The following PLCB1 variants were observed in gnomAD, a reference collection of about 807,000 sequenced individuals.
PLCB1 encodes the protein phospholipase C beta 1.
In PLCB1, 46 loss-of-function variants were observed where a neutral mutation model predicts 161.8. The observed-to-expected ratio is 0.28, with a 90% CI of 0.22 to 0.36. PLCB1 has a LOEUF of 0.36. Ranked by LOEUF, PLCB1 falls within the 10% of genes least tolerant of loss-of-function variation. PLCB1 has a pLI of 1.00. For missense variants in PLCB1, 1,016 were observed against 1,472.5 expected, an observed-to-expected ratio of 0.69 and a Z score of 5.07; for synonymous variants, 517 against 503.7, an observed-to-expected ratio of 1.03 and a Z score of -0.35.
intron 31 of PLCB1, among the ~76,000 whole-genome samples, chr20:8,818,291 A>AT (rs1985171890): frequency 6.6e-6 from 1 of 152,138 alleles, no homozygotes; most frequent in Non-Finnish European, 1.5e-5. Context: ...TAATAAAGAG[A>AT]TTTTTAGCAC....
In PLCB1 at chr20:8,413,176, T is replaced by C. The variant is rs111534960; in HGVS notation, c.246+41726T>C. Among the ~76,000 whole-genome samples, 228 of 152,328 alleles carry C rather than the reference T, an allele frequency of 1.5e-3. 1 individual carries two copies. The highest frequency in any genetic ancestry group is 5.3e-3 in the African/African-American group (221 of 41,594). On this transcript the variant is annotated intron_variant, in intron 3 of 31. Transcript: ENST00000338037. ...TTTTAATATACATTTATGGATTTGA[T>C]TTCTAATAATTTGCATTATTTTTAT...
chr20:8,188,861 G>A (rs1024467767), intron 2 of PLCB1, among the ~76,000 whole-genome samples: 2 of 152,106 alleles, frequency 1.3e-5, no homozygotes, highest in African/African-American at 4.8e-5. Flanking sequence ...TTACAGTATT[G>A]TGTAGCAGAC....
chr20:8,535,587 C>A (rs764515340), intron 3 of PLCB1, among the ~76,000 whole-genome samples: 3 of 152,166 alleles, frequency 2.0e-5, no homozygotes, highest in Admixed American at 6.5e-5. Context: ...CAATTTTGCC[C>A]CCCAGTGGAC....
intron 2 of PLCB1, among the ~76,000 whole-genome samples, chr20:8,169,407 C>T (rs2051709315): frequency 6.6e-6 from 1 of 152,214 alleles, no homozygotes; most frequent in East Asian, 1.9e-4. Context: ...ATAGGAATCC[C>T]ATGAGGATTA....
At chr20:8,789,696 C>A (rs1983660005) in intron 30 of PLCB1, 121 bp downstream of exon 30, 2 of 748,170 alleles carry the variant, frequency 2.7e-6, no homozygotes. Context: ...TAGCACCTAG[C>A]AGAGCTGTTT....
At chr20:8,787,660 A>G (rs554591794) in intron 27 of PLCB1, among the ~76,000 whole-genome samples, 1 of 152,366 alleles carries the variant, frequency 6.6e-6, no homozygotes, top group African/African-American at 2.4e-5. Context: ...ACCAGGCACA[A>G]TTACCTTTAT....
At chr20:8,640,025 T>G (rs1802156456) in intron 4 of PLCB1, among the ~76,000 whole-genome samples, 1 of 152,136 alleles carries the variant, frequency 6.6e-6, no homozygotes, top group Non-Finnish European at 1.5e-5. Flanking sequence ...CTAACGGGAT[T>G]GAGTTACCAA....
At chr20:8,175,899 A>G (rs553687650) in intron 2 of PLCB1, among the ~76,000 whole-genome samples, 10 of 152,346 alleles carry the variant, frequency 6.6e-5, no homozygotes, top group Admixed American at 6.5e-4. Flanking sequence ...AAGAGGATAC[A>G]CAGATGGCAC....
intron 31 of PLCB1, among the ~76,000 whole-genome samples, chr20:8,840,713 G>A (rs1358640593): frequency 6.6e-6 from 1 of 152,114 alleles, no homozygotes; most frequent in Non-Finnish European, 1.5e-5. Context: ...TTTGAATTTG[G>A]CAGAGACCCC....
rs1192413275 is a variant in PLCB1, at chr20:8,882,893, A to G, written c.*1044A>G. On this transcript the variant is annotated 3_prime_UTR_variant, in exon 32 of 32. Coordinates refer to ENST00000338037, the MANE Select transcript of PLCB1 (RefSeq NM_015192.4). The stretch of plus-strand genomic sequence containing the variant: ...CACTTAGTCATGTAAGTGCATATAC[A>G]CATACACACACATGAGTGTAGACAT... 6.5e-6 allele frequency: 1 copy of G among 152,672 alleles called. No homozygotes were observed. The allele number at this position is 152,672 out of a possible 1,614,324, so 9.5% of individuals were successfully genotyped here.
In PLCB1 at chr20:8,788,578, CA is replaced by C. The variant is rs1163773968; in HGVS notation, c.3189-52del. On this transcript the variant is annotated intron_variant, in intron 28 of 31. Coordinates refer to ENST00000338037, the MANE Select transcript of PLCB1 (RefSeq NM_015192.4). ...CATGTGCATCTGAATTTATTCAACA[CA>C]AATTCCCATCTGATTTGCCTCTTTT... is the stretch of plus-strand genomic sequence containing the variant. The C allele has an allele frequency of 1.8e-5, 28 of 1,590,670 alleles. 1 individual carries two copies. The highest frequency in any genetic ancestry group is 2.4e-5 in the Non-Finnish European group (28 of 1,161,904).
At chr20:8,756,498 T>C (rs116640432) in intron 23 of PLCB1, among the ~76,000 whole-genome samples, 1,552 of 152,288 alleles carry the variant, frequency 0.01, 30 homozygotes, top group African/African-American at 0.035. Context: ...CATTATCTGG[T>C]CAGCTGGGCA....
At position 8,132,772 on chromosome 20, in the gene PLCB1, G is replaced by A. The variant is rs1568564254; in HGVS notation, c.99+22G>A. On this transcript the variant is annotated intron_variant, in intron 1 of 31. Coordinates refer to ENST00000338037, the MANE Select transcript of PLCB1 (RefSeq NM_015192.4). The surrounding 1 kb of genome is among the most constrained non-coding windows in gnomAD (Gnocchi z 5.2). ...TGATGTAAGTATTGGGGCGGCCCGA[G>A]TCGGGGCGCTGGCTCGGGCACCGGG... The A allele has an allele frequency of 1.9e-6, 3 of 1,566,720 alleles. No homozygotes were observed. The Admixed American group carries it at 5.0e-5, about 26-fold the overall frequency.
chr20:8,709,870 G>A (rs530440132), intron 12 of PLCB1, among the ~76,000 whole-genome samples: 5 of 152,266 alleles, frequency 3.3e-5, no homozygotes, highest in East Asian at 1.9e-4. Context: ...CAAAGGAAGA[G>A]AAAGGAATTT....
intron 2 of PLCB1, among the ~76,000 whole-genome samples, chr20:8,239,595 A>G (rs1411462512): frequency 6.8e-6 from 1 of 146,008 alleles, no homozygotes; most frequent in Non-Finnish European, 1.5e-5. Flanking sequence ...CTGGTACTTA[A>G]AAAAAAAAAA....
chr20:8,135,291 T>G (rs1226901249), intron 1 of PLCB1, among the ~76,000 whole-genome samples: 2 of 152,194 alleles, frequency 1.3e-5, no homozygotes, highest in Non-Finnish European at 1.5e-5. Flanking sequence ...ATGATGAATT[T>G]GGGGCTGTTT....
intron 18 of PLCB1, among the ~76,000 whole-genome samples, chr20:8,732,597 G>GTATTCTAATATATTGTATTAGATAT: frequency 6.9e-6 from 1 of 144,058 alleles, no homozygotes; most frequent in South Asian, 2.1e-4. Flanking sequence ...GTATTAGATA[G>GTATTCTAATATATTGTATTAGATAT]TGTATCATAT....
chr20:8,323,178 G>A (rs983433892), intron 2 of PLCB1, among the ~76,000 whole-genome samples: 10 of 152,086 alleles, frequency 6.6e-5, no homozygotes, highest in African/African-American at 1.9e-4. Context: ...GATATGTTTT[G>A]TGTTCTTTCT....
intron 2 of PLCB1, among the ~76,000 whole-genome samples, chr20:8,167,269 C>A (rs6039061): frequency 0.35 from 52,958 of 152,038 alleles, 9,998 homozygotes; most frequent in African/African-American, 0.5. Context: ...GTAGGAACTC[C>A]AAGACTATTA....
Sources: gnomAD v4.1 joint callset for allele counts (sites outside exome capture counted in the v4.1 genomes callset) on GRCh38, gnomAD v4.1.1 for gene constraint, Gnocchi (gnomAD v3.1) non-coding constraint, MANE v1.5 for transcripts, NCBI Gene and HGNC (gene_info 2026-07-23, HGNC 2026-07-21) for gene names.